Variants in GPC5 observed in about 807,000 individuals in gnomAD.
The protein encoded by GPC5 is glypican-5.
Under a neutral mutation model 53.9 loss-of-function variants are expected in GPC5, and 47 were observed. The observed-to-expected ratio is 0.87, with a 90% CI of 0.69 to 1.11. The LOEUF is 1.11. Ranked by LOEUF, GPC5 falls within the 50% of genes most tolerant of loss-of-function variation. The pLI, the probability that GPC5 is intolerant of heterozygous loss-of-function variation, is 0.00. For missense variants in GPC5, 748 were observed against 713.1 expected (o/e 1.05, Z -0.56); for synonymous variants, 286 against 263.3 (o/e 1.09, Z -0.84).
rs538871835 is a variant in GPC5 at position 91,703,892 on chromosome 13, G to C, written c.1020+10011G>C. ...AGTCTTGGTAGTTTGTATGTTTCTA[G>C]GCATTTTTCCATTTCTTCTAGGTTA... On this transcript the variant is annotated intron_variant, in intron 3 of 7. Transcript: ENST00000377067. Among the ~76,000 whole-genome samples the C allele has an allele frequency of 2.4e-4, 37 of 152,120 alleles. No individual in the cohort carries two copies. In the East Asian group the frequency reaches 6.8e-3, roughly 28 times the overall value.
At chr13:91,765,298 C>T (rs546721664) in intron 5 of GPC5, among the ~76,000 whole-genome samples, 4 of 152,234 alleles carry the variant, frequency 2.6e-5, no homozygotes, top group African/African-American at 4.8e-5. Context: ...CAAACAAGTT[C>T]CCTGCTTTGT....
intron 6 of GPC5, among the ~76,000 whole-genome samples, chr13:91,922,388 T>A (rs2039724267): frequency 6.6e-6 from 1 of 152,182 alleles, no homozygotes; most frequent in Non-Finnish European, 1.5e-5. Context: ...CAGCCTCATC[T>A]TCTAATTGCT....
rs1218685244 is a variant in GPC5, at chr13:91,971,580, C to T, written c.1401+63523C>T. ...GTTAGGGTGTCAATTTTGGATCTTT[C>T]CTGCTTTCTCTTGTGGGCATTTAGT... On this transcript the variant is annotated intron_variant, in intron 6 of 7. Coordinates refer to ENST00000377067, the MANE Select transcript of GPC5 (RefSeq NM_004466.6). 2.6e-5 allele frequency among the ~76,000 whole-genome samples: 4 copies of T among 152,064 alleles called. No individual in the cohort carries two copies. The East Asian group carries it at 7.7e-4, about 29-fold the overall frequency.
chr13:92,476,646 A>G (rs544320207), intron 7 of GPC5, among the ~76,000 whole-genome samples: 55 of 149,056 alleles, frequency 3.7e-4, no homozygotes, highest in African/African-American at 1.4e-3. Flanking sequence ...AACCAACCCA[A>G]ATGTCCAACA....
chr13:92,158,529 A>G (rs1055571576), intron 7 of GPC5, among the ~76,000 whole-genome samples: 1 of 151,370 alleles, frequency 6.6e-6, no homozygotes, highest in Admixed American at 6.6e-5. Context: ...TTCTGACAAC[A>G]CTATGACTCA....
At chr13:92,088,405 A>G (rs904670650) in intron 6 of GPC5, among the ~76,000 whole-genome samples, 21 of 152,138 alleles carry the variant, frequency 1.4e-4, no homozygotes, top group African/African-American at 5.1e-4. Flanking sequence ...CTGGGCTGAA[A>G]AGAAGTCCTG....
At chr13:92,415,611 A>G (rs1876251125) in intron 7 of GPC5, among the ~76,000 whole-genome samples, 1 of 152,090 alleles carries the variant, frequency 6.6e-6, no homozygotes, top group Non-Finnish European at 1.5e-5. Flanking sequence ...TATCTAGGCC[A>G]AGACGTTGAG....
chr13:91,996,120 T>A (rs1254263749), intron 6 of GPC5: 1 of 152,242 alleles, frequency 6.6e-6, no homozygotes, highest in Non-Finnish European at 1.5e-5. Flanking sequence ...CTTTCATTGT[T>A]TTTTTGAGGA....
At chr13:91,902,058 A>G (rs1359509895) in intron 5 of GPC5, among the ~76,000 whole-genome samples, 2 of 151,970 alleles carry the variant, frequency 1.3e-5, no homozygotes, top group Non-Finnish European at 2.9e-5. Flanking sequence ...TTATCAAAAA[A>G]TTCCAAGACA....
At chr13:92,586,131 G>A (rs752951428) in intron 7 of GPC5, among the ~76,000 whole-genome samples, 48 of 152,258 alleles carry the variant, frequency 3.2e-4, no homozygotes, top group Middle Eastern at 3.4e-3. Flanking sequence ...CGGATTAGTC[G>A]TGTCTGCTTT....
chr13:91,435,041 T>C (rs1339026367), intron 1 of GPC5, among the ~76,000 whole-genome samples: 6 of 152,238 alleles, frequency 3.9e-5, no homozygotes, highest in Non-Finnish European at 7.3e-5. Context: ...TGATTTTGTA[T>C]GCTGAGACTT....
intron 2 of GPC5, among the ~76,000 whole-genome samples, chr13:91,540,117 G>C (rs1310378385): frequency 1.3e-5 from 2 of 152,180 alleles, no homozygotes; most frequent in African/African-American, 4.8e-5. Flanking sequence ...ACAGTACTAG[G>C]ACTAAGCAAA....
chr13:92,616,787 T>C (rs1478653714), intron 7 of GPC5, among the ~76,000 whole-genome samples: 1 of 152,146 alleles, frequency 6.6e-6, no homozygotes, highest in Non-Finnish European at 1.5e-5. Context: ...TATGAAATAA[T>C]AGAGCTTCAA....
chr13:92,533,786 G>A (rs1034256638), intron 7 of GPC5, among the ~76,000 whole-genome samples: 31 of 152,058 alleles, frequency 2.0e-4, no homozygotes, highest in Non-Finnish European at 3.2e-4. Flanking sequence ...TCATGATGGC[G>A]GGCTCAACTT....
At chr13:92,759,918 C>G (rs533003652) in intron 7 of GPC5, among the ~76,000 whole-genome samples, 29 of 152,100 alleles carry the variant, frequency 1.9e-4, no homozygotes, top group African/African-American at 7.0e-4. Context: ...GAGTTTTTAT[C>G]AAGAAAGGAT....
chr13:91,401,410 A>C (rs1372615726), intron 1 of GPC5, among the ~76,000 whole-genome samples: 1 of 152,208 alleles, frequency 6.6e-6, no homozygotes, highest in African/African-American at 2.4e-5. Flanking sequence ...ACATGATTGA[A>C]TATGGTAATT....
intron 7 of GPC5, among the ~76,000 whole-genome samples, chr13:92,387,969 T>C (rs576598826): frequency 6.6e-6 from 1 of 152,272 alleles, no homozygotes; most frequent in African/African-American, 2.4e-5. Flanking sequence ...GCAGCCTGTA[T>C]TTTATAATTT....
At chr13:91,799,647 G>A (rs2038102706) in intron 5 of GPC5, among the ~76,000 whole-genome samples, 2 of 152,098 alleles carry the variant, frequency 1.3e-5, no homozygotes, top group African/African-American at 2.4e-5. Context: ...TATATTAATT[G>A]TGATACCTTC....
At chr13:91,468,062 G>A (rs1236031363) in intron 2 of GPC5, among the ~76,000 whole-genome samples, 1 of 152,094 alleles carries the variant, frequency 6.6e-6, no homozygotes, top group Admixed American at 6.6e-5. Flanking sequence ...TATCTGAGAT[G>A]TTTGGCTTTA....
Sources: allele counts gnomAD v4.1 joint callset (sites outside exome capture counted in the v4.1 genomes callset), GRCh38; gene constraint gnomAD v4.1.1; transcripts MANE v1.5; gene names NCBI Gene and HGNC (gene_info 2026-07-23, HGNC 2026-07-21).